The following MACROD2 variants were observed in gnomAD, a reference collection of about 807,000 sequenced individuals.
The protein encoded by MACROD2 is ADP-ribose glycohydrolase MACROD2.
MACROD2 carries 36 observed loss-of-function variants against 70.4 expected under a neutral mutation model. The observed-to-expected ratio is 0.51, with a 90% CI of 0.39 to 0.68. MACROD2 has a LOEUF of 0.68. MACROD2 is among the 30% of genes least tolerant of loss of function. The pLI, the probability that MACROD2 is intolerant of heterozygous loss-of-function variation, is 0.00. For missense variants in MACROD2, 496 were observed against 538.4 expected (o/e 0.92, Z 0.78); for synonymous variants, 172 against 178.8 (o/e 0.96, Z 0.30).
intron 5 of MACROD2, among the ~76,000 whole-genome samples, chr20:14,842,397 A>G (rs1023695843): frequency 9.2e-5 from 14 of 152,028 alleles, no homozygotes; most frequent in African/African-American, 2.4e-4. Flanking sequence ...CAGAGCAGTA[A>G]TCTTTAGTCC....
chr20:15,132,363 A>G (rs1274924350), intron 5 of MACROD2, among the ~76,000 whole-genome samples: 2 of 152,052 alleles, frequency 1.3e-5, no homozygotes, highest in Admixed American at 6.5e-5. Flanking sequence ...AATAAAATCG[A>G]TAAAAAGTTA....
At chr20:14,134,006 C>T (rs1464423983) in intron 3 of MACROD2, among the ~76,000 whole-genome samples, 6 of 152,178 alleles carry the variant, frequency 3.9e-5, no homozygotes, top group Admixed American at 1.3e-4. Context: ...GAGTTCCCTG[C>T]GGGATGAGCC....
intron 6 of MACROD2, among the ~76,000 whole-genome samples, chr20:15,355,342 A>G (rs1346310344): frequency 6.6e-6 from 1 of 152,172 alleles, no homozygotes; most frequent in East Asian, 1.9e-4. Context: ...CTACACCTAT[A>G]ATTACAGTTT....
chr20:15,683,562 A>G (rs946093088), intron 8 of MACROD2, among the ~76,000 whole-genome samples: 1 of 152,080 alleles, frequency 6.6e-6, no homozygotes, highest in Non-Finnish European at 1.5e-5. Flanking sequence ...GTCATTTACC[A>G]TCCCTCAGGT....
Position 13,995,547 on chromosome 20 carries a change from C to A in MACROD2, c.-217C>A. ...CTCTGAGGTGCTGCTGTGGCGGCGT[C>A]CGCGGGGCTGAGGCGGGTGGGAGCC... On this transcript the variant is annotated 5_prime_UTR_variant, in exon 1 of 18. Transcript: ENST00000684519. The surrounding 1 kb of genome is among the most constrained non-coding windows in gnomAD (Gnocchi z 4.3). 1 of 638,410 alleles carries A rather than the reference C, an allele frequency of 1.6e-6. No homozygotes were observed. The highest frequency in any genetic ancestry group is 2.9e-6 in the Non-Finnish European group (1 of 347,948). 39.5% of individuals were successfully genotyped at this position (638,410 alleles called of 1,614,324 possible).
intron 5 of MACROD2, among the ~76,000 whole-genome samples, chr20:15,056,522 G>A (rs571623898): frequency 2.6e-4 from 40 of 152,248 alleles, no homozygotes; most frequent in African/African-American, 9.1e-4. Flanking sequence ...GTTCACAGCT[G>A]TTAGGTGAAG....
intron 5 of MACROD2, chr20:14,884,213 G>C (rs748560988): frequency 6.6e-6 from 1 of 152,068 alleles, no homozygotes; most frequent in African/African-American, 2.4e-5. Context: ...CATTTTTCTG[G>C]TTATCCATAG....
rs1464735586 is a variant in MACROD2, at chr20:14,642,053, C to T, written c.302-42790C>T. Among the ~76,000 whole-genome samples, 5 of 152,164 alleles carry T rather than the reference C, an allele frequency of 3.3e-5. No homozygotes were observed. The East Asian group carries it at 5.8e-4, about 18-fold the overall frequency. Reference sequence around the variant, plus strand: ...TCTAGATTGAAAATCTGTTAGTTAGCGTAGACACTTTTATTAATTGTTTTA... The same window carrying T: ...TCTAGATTGAAAATCTGTTAGTTAGTGTAGACACTTTTATTAATTGTTTTA... On this transcript the variant is annotated intron_variant, in intron 4 of 17. Transcript: ENST00000684519.
At chr20:14,779,174 A>C (rs1568790919) in intron 5 of MACROD2, among the ~76,000 whole-genome samples, 2 of 152,090 alleles carry the variant, frequency 1.3e-5, no homozygotes, top group Non-Finnish European at 2.9e-5. Context: ...CCAAGCTCAG[A>C]GTGTACATAC....
intron 4 of MACROD2, among the ~76,000 whole-genome samples, chr20:14,584,666 GA>G (rs1027526219): frequency 2.0e-5 from 3 of 152,074 alleles, no homozygotes; most frequent in African/African-American, 7.2e-5. Flanking sequence ...TTGGTGGGGG[GA>G]CACATTCAGT....
At chr20:14,834,403 T>C (rs1486916624) in intron 5 of MACROD2, among the ~76,000 whole-genome samples, 5 of 151,912 alleles carry the variant, frequency 3.3e-5, no homozygotes, top group African/African-American at 9.7e-5. Flanking sequence ...CATGAATCAG[T>C]TTAATCATGT....
rs184606180 is a variant in MACROD2 at position 15,909,644 on chromosome 20, C to T, written c.776-23632C>T. Among the ~76,000 whole-genome samples, 999 of 150,610 alleles carry T rather than the reference C, an allele frequency of 6.6e-3. 14 individuals carry two copies. Among genetic ancestry groups the T allele is most frequent in the African/African-American group, 0.023 (948 of 41,136 alleles). ...GTTCACACCATTCTCCTGCCTCAGC[C>T]TCCCAAGTAGCTGGGACTACAGGCG... On this transcript the variant is annotated intron_variant, in intron 10 of 17. Transcript: ENST00000684519.
chr20:15,322,978 C>T (rs544481600), intron 6 of MACROD2, among the ~76,000 whole-genome samples: 2 of 143,732 alleles, frequency 1.4e-5, no homozygotes, highest in South Asian at 2.3e-4. Flanking sequence ...GTCAGTGAGC[C>T]CTGTGGTTGT....
chr20:14,092,979 C>G (rs1236136041), intron 3 of MACROD2, among the ~76,000 whole-genome samples: 1 of 152,200 alleles, frequency 6.6e-6, no homozygotes, highest in Non-Finnish European at 1.5e-5. Flanking sequence ...CAGCTGCTTT[C>G]TTCCTGAGCA....
rs1190376799 is a variant in MACROD2 at position 15,909,549 on chromosome 20, A to G, written c.776-23727A>G. ...TTTTTTTTTTTTTTTTTTGAGACGG[A>G]GTCTCTCTCTGTCGCCCAGGCTGGA... On this transcript the variant is annotated intron_variant, in intron 10 of 17. Transcript: ENST00000684519. 6.3e-4 allele frequency among the ~76,000 whole-genome samples: 63 copies of G among 100,402 alleles called. No homozygotes were observed. The East Asian group carries it at 0.017, about 27-fold the overall frequency. 65.9% of individuals were successfully genotyped at this position (100,402 alleles called of 152,430 possible). A position where few individuals can be genotyped will look rare whatever the true frequency, so the allele number is the denominator to read the frequency against.
At chr20:14,392,210 A>G (rs145952015) in intron 3 of MACROD2, among the ~76,000 whole-genome samples, 2 of 152,056 alleles carry the variant, frequency 1.3e-5, no homozygotes, top group Non-Finnish European at 2.9e-5. Flanking sequence ...ATTGTTATGT[A>G]TTTCAAAATT....
At chr20:14,786,001 T>G (rs1317385204) in intron 5 of MACROD2, among the ~76,000 whole-genome samples, 3 of 152,086 alleles carry the variant, frequency 2.0e-5, no homozygotes, top group African/African-American at 7.3e-5. Flanking sequence ...AGAACATATT[T>G]TGATGAAAAT....
At chr20:15,990,254 C>A (rs1485319254) in intron 15 of MACROD2, among the ~76,000 whole-genome samples, 1 of 152,056 alleles carries the variant, frequency 6.6e-6, no homozygotes, top group Admixed American at 6.6e-5. Flanking sequence ...AGGTTAATAA[C>A]CAAATAGGAA....
At chr20:15,059,104 A>G (rs1175431431) in intron 5 of MACROD2, among the ~76,000 whole-genome samples, 1 of 152,218 alleles carries the variant, frequency 6.6e-6, no homozygotes, top group African/African-American at 2.4e-5. Context: ...ACACACAATG[A>G]AAAGAATCCT....
Sources: gnomAD v4.1 joint callset for allele counts (sites outside exome capture counted in the v4.1 genomes callset) on GRCh38, gnomAD v4.1.1 for gene constraint, Gnocchi (gnomAD v3.1) non-coding constraint, MANE v1.5 for transcripts, NCBI Gene and HGNC (gene_info 2026-07-23, HGNC 2026-07-21) for gene names.